Variants in WDFY4 observed in about 807,000 individuals in gnomAD.
WDFY4 encodes the protein WDFY family member 4, also known as WD repeat- and FYVE domain-containing protein 4.
WDFY4 carries 169 observed loss-of-function variants against 351.9 expected under a neutral mutation model. That is an observed-to-expected ratio of 0.48 (90% CI 0.42 to 0.55). WDFY4 has a LOEUF of 0.55. Ranked by LOEUF, WDFY4 falls within the 20% of genes least tolerant of loss-of-function variation. WDFY4 has a pLI of 0.00. For missense variants in WDFY4, 3,803 were observed against 3,935.6 expected (o/e 0.97, Z 0.90); for synonymous variants, 1,622 against 1,574.6 (o/e 1.03, Z -0.71).
chr10:48,824,109 G>T (rs1263407677), intron 35 of WDFY4: 1 of 985,312 alleles, frequency 1.0e-6, no homozygotes, highest in East Asian at 1.1e-4. Flanking sequence ...ACAAATCAGG[G>T]TCTTCTACTT....
intron 21 of WDFY4, 73 bp downstream of exon 21, chr10:48,788,748 A>C: frequency 6.6e-7 from 1 of 1,518,694 alleles, no homozygotes; most frequent in Non-Finnish European, 8.9e-7. Context: ...TTCAGTGCTT[A>C]AGTAAACACT....
In WDFY4 at chr10:48,776,880, G is replaced by A. The variant is rs746662573; in HGVS notation, c.2994G>A (p.Thr998=). The A allele has an allele frequency of 2.6e-5, 40 of 1,551,854 alleles. No homozygotes were observed. Among genetic ancestry groups the A allele is most frequent in the South Asian group, 8.3e-5 (7 of 84,064 alleles). ...ESQDSTTALQ[T]ALSLISMTSP... ...AGGATTCAACTACTGCTCTTCAGAC[G>A]GCGCTGAGCCTCATCTCCATGACCT... The change falls in exon 16 of 62, where the codon ACG becomes ACA. Residue 998 remains threonine (T), a synonymous_variant. Transcript: ENST00000325239.
At chr10:48,886,788 A>C (rs908794171) in intron 43 of WDFY4, among the ~76,000 whole-genome samples, 1 of 152,244 alleles carries the variant, frequency 6.6e-6, no homozygotes, top group African/African-American at 2.4e-5. Context: ...GTCATCATAC[A>C]CAGAGCTAGC....
chr10:48,691,546 T>A (rs1200726860), intron 1 of WDFY4, among the ~76,000 whole-genome samples: 2 of 152,176 alleles, frequency 1.3e-5, no homozygotes, highest in Non-Finnish European at 2.9e-5. Flanking sequence ...GGGGGCTGTC[T>A]GCCTCCTCCC....
Position 48,873,588 on chromosome 10 carries a change from C to G in WDFY4, c.6839C>G (p.Thr2280Ser). The change falls in exon 41 of 62, where the codon ACC (threonine) becomes AGC (serine). Residue 2280 changes from threonine to serine, a missense_variant. Around this residue, in one of 3 missense-constraint regions of WDFY4, gnomAD observed 3,054 missense variants for 3,148.6 expected, o/e 0.97. Coordinates refer to ENST00000325239, the MANE Select transcript of WDFY4 (RefSeq NM_001394531.1). ...GGCTTGTGGAGCCAGGGGGAAGAAA[C>G]CAAGCCCTGTTCCCCATGGGAACTC... Reference protein sequence around the residue: ...ELGLWSQGEETKPCSPWELDW... With the variant: ...ELGLWSQGEESKPCSPWELDW... 9.7e-6 allele frequency: 15 copies of G among 1,551,760 alleles called. No individual in the cohort carries two copies. Among genetic ancestry groups the G allele is most frequent in the Non-Finnish European group, 1.3e-5 (15 of 1,147,012 alleles).
At position 48,877,024 on chromosome 10, in the gene WDFY4, C is replaced by T. The variant is rs1182003903; in HGVS notation, c.7001-9C>T. The T allele has an allele frequency of 2.7e-6, 4 of 1,470,940 alleles. No individual in the cohort carries two copies. The highest frequency in any genetic ancestry group is 3.6e-6 in the Non-Finnish European group (4 of 1,108,398). The allele number at this position is 1,470,940 out of a possible 1,614,324, so 91.1% of individuals were successfully genotyped here. On this transcript the variant is annotated splice_polypyrimidine_tract_variant and intron_variant, in intron 42 of 61. Coordinates refer to ENST00000325239, the MANE Select transcript of WDFY4 (RefSeq NM_001394531.1). ...TGTCAACACCACGTGTCCCTTTATG[C>T]TGCTGCAGATGAACTGACACTGAGG... is the stretch of plus-strand genomic sequence containing the variant.
At chr10:48,748,708 T>C (rs2065086928) in intron 12 of WDFY4, among the ~76,000 whole-genome samples, 1 of 152,200 alleles carries the variant, frequency 6.6e-6, no homozygotes, top group African/African-American at 2.4e-5. Context: ...CTAAAAGAGA[T>C]ACATGGCCCT....
chr10:48,941,951 T>A (rs1840788540), intron 48 of WDFY4, 103 bp downstream of exon 48: 1 of 1,096,424 alleles, frequency 9.1e-7, no homozygotes, highest in Non-Finnish European at 1.3e-6. Flanking sequence ...CAAGAAGGGA[T>A]CTTATTATTT....
At chr10:48,758,042 T>G (rs2132505913) in intron 12 of WDFY4, among the ~76,000 whole-genome samples, 1 of 152,290 alleles carries the variant, frequency 6.6e-6, no homozygotes, top group South Asian at 2.1e-4. Flanking sequence ...TGCTCTTTCT[T>G]CATCCCTGAA....
At chr10:48,921,607 A>G (rs202062478) in intron 47 of WDFY4, among the ~76,000 whole-genome samples, 1 of 4,402 alleles carries the variant, frequency 2.3e-4, no homozygotes, top group African/African-American at 4.2e-4. Context: ...AGCTCTGTGG[A>G]AAAAAAAAAC....
intron 42 of WDFY4, among the ~76,000 whole-genome samples, chr10:48,875,453 C>T (rs1042182843): frequency 3.3e-5 from 5 of 152,180 alleles, no homozygotes; most frequent in Admixed American, 2.6e-4. Context: ...CTTGTGCTGT[C>T]ACCTAGGCTG....
intron 35 of WDFY4, chr10:48,823,435 G>C: frequency 4.2e-6 from 5 of 1,192,736 alleles, no homozygotes; most frequent in Non-Finnish European, 5.3e-6. Flanking sequence ...CTCATAGAGA[G>C]TGAAATTGGC....
chr10:48,974,629 TG>T (rs1233657737), intron 57 of WDFY4, among the ~76,000 whole-genome samples: 3 of 146,586 alleles, frequency 2.0e-5, no homozygotes, highest in Non-Finnish European at 4.5e-5. Context: ...AGTAAAAAAA[TG>T]GTTTCTCCCC....
At chr10:48,831,862 G>T (rs1176930821) in intron 38 of WDFY4, among the ~76,000 whole-genome samples, 1 of 152,148 alleles carries the variant, frequency 6.6e-6, no homozygotes, top group Non-Finnish European at 1.5e-5. Context: ...AAAATGGCCT[G>T]GGATGGCCCC....
At chr10:48,979,438 T>C (rs1372877824) in intron 60 of WDFY4, among the ~76,000 whole-genome samples, 2 of 152,242 alleles carry the variant, frequency 1.3e-5, no homozygotes, top group African/African-American at 4.8e-5. Flanking sequence ...CATTTTAGTT[T>C]TGGGCTCAAA....
intron 39 of WDFY4, among the ~76,000 whole-genome samples, chr10:48,862,572 G>C (rs1034703822): frequency 2.6e-5 from 4 of 152,052 alleles, no homozygotes. Context: ...ACAGCTCAAG[G>C]TTGTTCTATA....
intron 39 of WDFY4, among the ~76,000 whole-genome samples, chr10:48,849,522 C>A (rs2068888696): frequency 6.6e-6 from 1 of 152,192 alleles, no homozygotes; most frequent in Non-Finnish European, 1.5e-5. Flanking sequence ...TGTTGACAGC[C>A]AAGAGAGCCT....
At chr10:48,799,018 C>T (rs986070255) in intron 24 of WDFY4, among the ~76,000 whole-genome samples, 3 of 152,208 alleles carry the variant, frequency 2.0e-5, no homozygotes, top group Non-Finnish European at 4.4e-5. Flanking sequence ...GTCTTGACTG[C>T]AACCGCTGCT....
At chr10:48,953,284 C>T (rs954082342) in intron 51 of WDFY4, among the ~76,000 whole-genome samples, 1 of 149,798 alleles carries the variant, frequency 6.7e-6, no homozygotes, top group Non-Finnish European at 1.5e-5. Context: ...TATGTGCCTG[C>T]TTCATCGCAT....
Sources: allele counts gnomAD v4.1 joint callset (sites outside exome capture counted in the v4.1 genomes callset), GRCh38; gene constraint gnomAD v4.1.1; regional missense constraint gnomAD v4.1.1; transcripts MANE v1.5; gene names NCBI Gene and HGNC (gene_info 2026-07-23, HGNC 2026-07-21).